The following DAB1 variants were observed in gnomAD, a reference collection of about 807,000 sequenced individuals.
DAB1 encodes the protein disabled homolog 1.
Under a neutral mutation model 64.6 loss-of-function variants are expected in DAB1, and 15 were observed. The ratio of observed to expected loss-of-function variants is 0.23; its 90% CI spans 0.16 to 0.36. The LOEUF is 0.36. Ranked by LOEUF, DAB1 falls within the 10% of genes least tolerant of loss-of-function variation. DAB1 has a pLI of 1.00. For missense variants in DAB1, 596 were observed against 706.7 expected, an observed-to-expected ratio of 0.84 and a Z score of 1.78; for synonymous variants, 235 against 251.9, an observed-to-expected ratio of 0.93 and a Z score of 0.64.
chr1:57,812,031 C>T (rs571254527), intron 6 of DAB1, among the ~76,000 whole-genome samples: 1 of 152,140 alleles, frequency 6.6e-6, no homozygotes, highest in Admixed American at 6.5e-5. Context: ...CCCACCTAGC[C>T]TCTGAAGCCT....
At chr1:57,695,237 G>T (rs1646809619) in intron 6 of DAB1, among the ~76,000 whole-genome samples, 1 of 64,596 alleles carries the variant, frequency 1.5e-5, no homozygotes, top group Non-Finnish European at 2.5e-5. Context: ...AAGAAAGAAA[G>T]GAAGAAAGAA....
chr1:57,781,737 C>G (rs1408144), intron 6 of DAB1, among the ~76,000 whole-genome samples: 22,061 of 146,650 alleles, frequency 0.15, 1,828 homozygotes, highest in East Asian at 0.26. Context: ...AAAAGCAAAA[C>G]TGTTGTGGGT....
At position 57,010,040 on chromosome 1, in the gene DAB1, G is replaced by A. The variant is rs147213610; in HGVS notation, c.*15+640C>T. On this transcript the variant is annotated intron_variant, in intron 14 of 14. Transcript: ENST00000371236. Reference sequence around the variant, plus strand: ...GGTGCAGGGTCCTTTCTGGCTAGACGAAAAGGGCTTCCTCTGATCTTACAT... The same window carrying A: ...GGTGCAGGGTCCTTTCTGGCTAGACAAAAAGGGCTTCCTCTGATCTTACAT... 4.4e-3 allele frequency among the ~76,000 whole-genome samples: 672 copies of A among 152,254 alleles called. 6 individuals carry two copies. The highest frequency in any genetic ancestry group is 0.015 in the African/African-American group (638 of 41,548).
At chr1:58,226,961 C>T (rs1659529559) in intron 4 of DAB1, among the ~76,000 whole-genome samples, 1 of 152,146 alleles carries the variant, frequency 6.6e-6, no homozygotes, top group Non-Finnish European at 1.5e-5. Flanking sequence ...CCAGGCATTA[C>T]CCTCAATGCT....
chr1:58,239,146 T>G (rs1261752724), intron 4 of DAB1, among the ~76,000 whole-genome samples: 1 of 152,210 alleles, frequency 6.6e-6, no homozygotes, highest in Non-Finnish European at 1.5e-5. Context: ...TGTTGTCATC[T>G]GCAACTAAGA....
chr1:57,694,435 A>T (rs138899085), intron 6 of DAB1, among the ~76,000 whole-genome samples: 2 of 152,220 alleles, frequency 1.3e-5, no homozygotes, highest in East Asian at 3.9e-4. Flanking sequence ...GAAATGGAAA[A>T]AATCCTCACT....
intron 5 of DAB1, among the ~76,000 whole-genome samples, chr1:58,093,784 T>C (rs979686408): frequency 4.0e-5 from 6 of 151,846 alleles, no homozygotes; most frequent in Non-Finnish European, 8.8e-5. Flanking sequence ...GGAAACAGTT[T>C]TGAAATACTA....
chr1:57,864,577 C>A (rs1460101135), intron 1 of DAB1: 1 of 151,894 alleles, frequency 6.6e-6, no homozygotes, highest in Non-Finnish European at 1.5e-5. Flanking sequence ...TGTGAAGACT[C>A]CAGCAGTATG....
intron 4 of DAB1, among the ~76,000 whole-genome samples, chr1:57,101,066 C>G (rs493227): frequency 0.21 from 32,682 of 152,062 alleles, 4,555 homozygotes; most frequent in Middle Eastern, 0.35. Flanking sequence ...CCCAGATGGT[C>G]TGACCCCACA....
intron 4 of DAB1, among the ~76,000 whole-genome samples, chr1:58,197,167 G>A (rs1657721782): frequency 6.6e-6 from 1 of 152,138 alleles, no homozygotes; most frequent in African/African-American, 2.4e-5. Flanking sequence ...CCCCCTGCAA[G>A]CTTCAGTGGC....
intron 14 of DAB1, among the ~76,000 whole-genome samples, chr1:57,006,690 TG>T (rs1646082728): frequency 6.6e-6 from 1 of 152,232 alleles, no homozygotes; most frequent in Non-Finnish European, 1.5e-5. Flanking sequence ...TTGAGTTCTG[TG>T]TCCATAAAAT....
intron 7 of DAB1, among the ~76,000 whole-genome samples, chr1:57,626,586 G>C (rs753828682): frequency 1.6e-4 from 25 of 152,136 alleles, no homozygotes; most frequent in Non-Finnish European, 1.6e-4. Context: ...TATTTGGGCT[G>C]CTTTAACAAG....
chr1:57,236,963 C>T (rs1668130020), intron 2 of DAB1, among the ~76,000 whole-genome samples: 1 of 152,176 alleles, frequency 6.6e-6, no homozygotes, highest in Admixed American at 6.5e-5. Context: ...GTGGCAAGCA[C>T]AACTGAATAA....
chr1:57,061,232 G>GT (rs903183721), intron 9 of DAB1, among the ~76,000 whole-genome samples: 1 of 149,088 alleles, frequency 6.7e-6, no homozygotes, highest in Non-Finnish European at 1.5e-5. Context: ...TTTAGATGGG[G>GT]GGGGGGGGTG....
At chr1:58,086,855 T>C (rs1350276482) in intron 5 of DAB1, among the ~76,000 whole-genome samples, 2 of 152,038 alleles carry the variant, frequency 1.3e-5, no homozygotes, top group African/African-American at 4.8e-5. Context: ...CTTTCAAAAG[T>C]ACTTGCTCTT....
chr1:58,375,988 C>T (rs1190105474), intron 3 of DAB1, among the ~76,000 whole-genome samples: 1 of 149,758 alleles, frequency 6.7e-6, no homozygotes, highest in Non-Finnish European at 1.5e-5. Context: ...TTGCAGTATT[C>T]TCTGATGGTA....
At chr1:57,295,102 T>G (rs1673081498) in intron 1 of DAB1, among the ~76,000 whole-genome samples, 1 of 152,128 alleles carries the variant, frequency 6.6e-6, no homozygotes, top group Non-Finnish European at 1.5e-5. Flanking sequence ...AACTGCTTAA[T>G]GGGTATGGGG....
At chr1:58,021,706 G>C (rs1646817475) in intron 5 of DAB1, among the ~76,000 whole-genome samples, 1 of 152,176 alleles carries the variant, frequency 6.6e-6, no homozygotes, top group Non-Finnish European at 1.5e-5. Flanking sequence ...AGCAGAACTG[G>C]CCCAAGAGAA....
chr1:57,844,536 C>G (rs1378804806), intron 1 of DAB1, among the ~76,000 whole-genome samples: 5 of 152,162 alleles, frequency 3.3e-5, no homozygotes, highest in Non-Finnish European at 7.4e-5. Context: ...AGACGTCTGC[C>G]AGAGTGATTC....
Sources: gnomAD v4.1 joint callset for allele counts (sites outside exome capture counted in the v4.1 genomes callset) on GRCh38, gnomAD v4.1.1 for gene constraint, MANE v1.5 for transcripts, NCBI Gene and HGNC (gene_info 2026-07-23, HGNC 2026-07-21) for gene names.